LRTM1: variants seen among roughly 807,000 people sequenced by gnomAD.
The protein encoded by LRTM1 is leucine-rich repeat and transmembrane domain-containing protein 1.
A neutral mutation model predicts 32.4 loss-of-function variants in LRTM1; 38 were observed. The observed-to-expected ratio is 1.17, with a 90% CI of 0.91 to 1.54. The LOEUF (loss-of-function observed/expected upper bound fraction) is 1.54, where lower values mean the gene tolerates loss of function less well. Among genes scored for constraint, LRTM1 ranks in the 40% most tolerant of loss-of-function variants. LRTM1 has a pLI of 0.00. For missense variants in LRTM1, 466 were observed against 415.4 expected (o/e 1.12, Z -1.06); for synonymous variants, 186 against 169.9 (o/e 1.09, Z -0.74).
rs533596688 is a variant in LRTM1, at chr3:54,918,332, C to CTTTTTTT, written c.*120_*126dup. ...TTTTACAGACACATCTTTTTTTTTTCTTTTTTTTTTTTTTTTTTTTTTTGT... is the reference window on the plus strand; with the variant it reads ...TTTTACAGACACATCTTTTTTTTTTCTTTTTTTTTTTTTTTTTTTTTTTTTTTTTTGT... On this transcript the variant is annotated 3_prime_UTR_variant, in exon 3 of 3. Coordinates refer to ENST00000273286, the MANE Select transcript of LRTM1 (RefSeq NM_020678.4). 0.011 allele frequency: 2,439 copies of CTTTTTTT among 227,986 alleles called. 569 individuals are homozygous for CTTTTTTT. Among genetic ancestry groups the CTTTTTTT allele is most frequent in the Middle Eastern group, 0.02 (10 of 492 alleles). The allele number at this position is 227,986 out of a possible 1,614,324, so 14.1% of individuals were successfully genotyped here. A position where few individuals can be genotyped will look rare whatever the true frequency, so the allele number is the denominator to read the frequency against.
rs1701336594 is a variant in LRTM1 at position 54,936,634 on chromosome 3, A to C, written c.-221-11419T>G. On this transcript the variant is annotated intron_variant, in intron 1 of 2. Transcript: ENST00000493075. ...TCAAAAATCCCATATTGGGTTACCT[A>C]CTACATGCTCGTGCTGTGATTTTTT... 2.0e-5 allele frequency among the ~76,000 whole-genome samples: 3 copies of C among 152,134 alleles called. No homozygotes were observed. The South Asian group carries it at 6.2e-4, about 32-fold the overall frequency.
At chr3:54,964,337 A>C (rs1702095675) in intron 1 of LRTM1, among the ~76,000 whole-genome samples, 1 of 152,128 alleles carries the variant, frequency 6.6e-6, no homozygotes, top group Non-Finnish European at 1.5e-5. Context: ...AGTAAGGAGC[A>C]CTGTGACCTC....
chr3:54,933,761 T>C (rs1701263535), intron 1 of LRTM1, among the ~76,000 whole-genome samples: 1 of 19,544 alleles, frequency 5.1e-5, no homozygotes, highest in Non-Finnish European at 7.3e-5. Context: ...TTACTATTAC[T>C]TTTTTTTTTT....
intron 1 of LRTM1, among the ~76,000 whole-genome samples, chr3:54,952,518 C>T (rs890290447): frequency 1.3e-5 from 2 of 152,160 alleles, no homozygotes. Context: ...TGTGGACTTA[C>T]CAATCTCATA....
chr3:54,965,731 A>G (rs1391028760), intron 1 of LRTM1, among the ~76,000 whole-genome samples: 2 of 152,198 alleles, frequency 1.3e-5, no homozygotes, highest in Non-Finnish European at 2.9e-5. Context: ...GCCAGGGGCC[A>G]GTGTTACTGG....
At chr3:54,953,646 C>T (rs932396271) in intron 1 of LRTM1, among the ~76,000 whole-genome samples, 1 of 152,184 alleles carries the variant, frequency 6.6e-6, no homozygotes, top group East Asian at 1.9e-4. Flanking sequence ...GCTAAAAGGT[C>T]CAGTTCCCCA....
intron 1 of LRTM1, among the ~76,000 whole-genome samples, chr3:54,949,200 A>G (rs912500523): frequency 2.6e-5 from 4 of 152,170 alleles, no homozygotes; most frequent in Non-Finnish European, 4.4e-5. Context: ...GTCAGTGCCT[A>G]TCACTTTGGC....
intron 1 of LRTM1, among the ~76,000 whole-genome samples, chr3:54,953,133 A>G (rs1300594665): frequency 6.6e-6 from 1 of 152,214 alleles, no homozygotes; most frequent in African/African-American, 2.4e-5. Flanking sequence ...TGTGGGTGAC[A>G]TTTACTGAAT....
chr3:54,918,623 T>A lies in LRTM1; in HGVS notation c.874A>T (p.Thr292Ser). ...LRHAIATVII[T>S]GVVCGIVCLM... is the part of the protein sequence containing the mutation. ...CACACAATCCCACACACAACGCCAG[T>A]GATGATGACAGTGGCAATGGCATGA... The change falls in exon 3 of 3, where the codon ACT becomes TCT. Residue 292 changes from threonine to serine, a missense_variant. By Grantham distance (58) the Thr-to-Ser change is moderately conservative. Coordinates refer to ENST00000273286, the MANE Select transcript of LRTM1 (RefSeq NM_020678.4). 6.2e-7 allele frequency: 1 copy of A among 1,614,100 alleles called. No homozygotes were observed. The highest frequency in any genetic ancestry group is 1.3e-5 in the African/African-American group (1 of 75,024).
upstream of LRTM1, chr3:54,928,163 CT>C: frequency 1.9e-6 from 1 of 518,152 alleles, no homozygotes. Context: ...TGCCCCTCTT[CT>C]TTCTTAAAAT....
At chr3:54,963,544 A>G (rs1389842756) in intron 1 of LRTM1, among the ~76,000 whole-genome samples, 3 of 152,230 alleles carry the variant, frequency 2.0e-5, no homozygotes, top group Admixed American at 6.5e-5. Context: ...AAATAGCCAC[A>G]TGTAACTAAT....
intron 2 of LRTM1, among the ~76,000 whole-genome samples, chr3:54,921,475 A>G (rs185605181): frequency 2.6e-5 from 4 of 152,284 alleles, no homozygotes; most frequent in African/African-American, 7.2e-5. Context: ...ATCTGTGTGC[A>G]TATTTCTTTG....
chr3:54,948,473 A>G (rs763441786), intron 1 of LRTM1, among the ~76,000 whole-genome samples: 6 of 152,242 alleles, frequency 3.9e-5, no homozygotes, highest in Non-Finnish European at 5.9e-5. Context: ...TCAATGGCCT[A>G]TGTACATTCA....
In LRTM1 at chr3:54,918,689, C is replaced by G. The variant is rs760898032; in HGVS notation, c.808G>C (p.Glu270Gln). Reference protein sequence around the residue: ...NHNAGERELLECELKPKPRPA... With the variant: ...NHNAGERELLQCELKPKPRPA... ...CTTGGCTTGGGTTTGAGCTCGCACTCCAAGAGTTCTCGCTCCCCCGCGTTG... is the reference window on the plus strand; with the variant it reads ...CTTGGCTTGGGTTTGAGCTCGCACTGCAAGAGTTCTCGCTCCCCCGCGTTG... The change falls in exon 3 of 3, where the codon GAG becomes CAG. Residue 270 changes from glutamate (E) to glutamine (Q), a missense_variant. Physicochemically the swap from Glu to Gln is conservative, Grantham distance 29. Transcript: ENST00000273286. 6.2e-7 allele frequency: 1 copy of G among 1,614,178 alleles called. No individual in the cohort carries two copies. Among genetic ancestry groups the G allele is most frequent in the Non-Finnish European group, 8.5e-7 (1 of 1,180,042 alleles).
intron 1 of LRTM1, among the ~76,000 whole-genome samples, chr3:54,937,393 A>G (rs946568640): frequency 6.6e-6 from 1 of 152,236 alleles, no homozygotes; most frequent in African/African-American, 2.4e-5. Context: ...GATTGGTTCC[A>G]GCAATCTGTG....
At chr3:54,924,379 A>G (rs893779168) in intron 2 of LRTM1, among the ~76,000 whole-genome samples, 2 of 152,204 alleles carry the variant, frequency 1.3e-5, no homozygotes, top group African/African-American at 4.8e-5. Context: ...TGTTATATTA[A>G]TTAAACAAGT....
chr3:54,933,349 T>A (rs989439097), intron 1 of LRTM1, among the ~76,000 whole-genome samples: 11 of 152,224 alleles, frequency 7.2e-5, no homozygotes, highest in Admixed American at 5.9e-4. Context: ...CACAGTCTAG[T>A]TCAGGTTGAC....
At chr3:54,958,040 G>T (rs562419833) in intron 1 of LRTM1, among the ~76,000 whole-genome samples, 2 of 152,316 alleles carry the variant, frequency 1.3e-5, no homozygotes, top group South Asian at 2.1e-4. Context: ...CAACCACCCC[G>T]TGTGTGTTCA....
At chr3:54,935,941 T>G (rs549142352) in intron 1 of LRTM1, among the ~76,000 whole-genome samples, 1 of 152,332 alleles carries the variant, frequency 6.6e-6, no homozygotes, top group South Asian at 2.1e-4. Flanking sequence ...ATCCCCTTTG[T>G]GAGTCCAATC....
Sources: allele counts gnomAD v4.1 joint callset (sites outside exome capture counted in the v4.1 genomes callset), GRCh38; gene constraint gnomAD v4.1.1; transcripts MANE v1.5; gene names NCBI Gene and HGNC (gene_info 2026-07-23, HGNC 2026-07-21).